IGSF11: variants seen among roughly 807,000 people sequenced by gnomAD.
IGSF11 encodes the protein CXADR like 1.
In IGSF11, 22 loss-of-function variants were observed where a neutral mutation model predicts 41.0. The ratio of observed to expected loss-of-function variants is 0.54; its 90% confidence interval spans 0.38 to 0.77. The LOEUF (loss-of-function observed/expected upper bound fraction) is 0.77. Among genes scored for constraint, IGSF11 ranks in the 30% least tolerant of loss-of-function variants. The pLI, the probability that IGSF11 is intolerant of heterozygous loss-of-function variation, is 0.00. For missense variants in IGSF11, 444 were observed against 530.8 expected (o/e 0.84, Z 1.61); for synonymous variants, 219 against 201.3 (o/e 1.09, Z -0.74).
intron 1 of IGSF11, among the ~76,000 whole-genome samples, chr3:119,096,250 T>TAC (rs1009815449): frequency 1.3e-5 from 2 of 152,010 alleles, no homozygotes; most frequent in Non-Finnish European, 2.9e-5. Context: ...TTAACTGGTC[T>TAC]ACCCCTTATG....
chr3:118,948,161 G>A (rs924528319), intron 1 of IGSF11: 1 of 152,202 alleles, frequency 6.6e-6, no homozygotes, highest in Non-Finnish European at 1.5e-5. Flanking sequence ...TGTTACCAAA[G>A]AGCTGAAACG....
At chr3:119,008,829 G>A (rs917408568) in intron 1 of IGSF11, among the ~76,000 whole-genome samples, 8 of 152,158 alleles carry the variant, frequency 5.3e-5, no homozygotes, top group Non-Finnish European at 7.3e-5. Context: ...TGTCTTCCAT[G>A]TGCAGGTGGG....
intron 1 of IGSF11, among the ~76,000 whole-genome samples, chr3:118,956,337 A>G (rs1270487137): frequency 6.6e-6 from 1 of 152,148 alleles, no homozygotes; most frequent in African/African-American, 2.4e-5. Context: ...TTTCCTTTTC[A>G]TTCACAACTT....
intron 4 of IGSF11, among the ~76,000 whole-genome samples, chr3:118,923,749 C>G (rs1010592671): frequency 3.9e-5 from 6 of 152,114 alleles, no homozygotes; most frequent in Non-Finnish European, 8.8e-5. Context: ...TTTGCCTTCA[C>G]GTTTGTTTGT....
chr3:119,130,189 G>A (rs866492847), intron 1 of IGSF11, among the ~76,000 whole-genome samples: 12 of 152,260 alleles, frequency 7.9e-5, no homozygotes, highest in African/African-American at 1.4e-4. Flanking sequence ...TACCTGGTTC[G>A]TCTCACTGGG....
chr3:119,109,935 T>C (rs901119784), upstream of IGSF11, among the ~76,000 whole-genome samples: 1 of 152,236 alleles, frequency 6.6e-6, no homozygotes, highest in Non-Finnish European at 1.5e-5. Context: ...TCTAGTTTGA[T>C]TGCACTGTGG....
In IGSF11 at chr3:119,068,414, G is replaced by A. The variant is rs534447298; in HGVS notation, c.49+36730C>T. ...ATTAGGTGGGCAGCTAGCAATCTCTGCCACAGTTCCATTCTTAGCACTTCT... is the reference window on the plus strand; with the variant it reads ...ATTAGGTGGGCAGCTAGCAATCTCTACCACAGTTCCATTCTTAGCACTTCT... On this transcript the variant is annotated intron_variant, in intron 1 of 6. Transcript: ENST00000354673. Among the ~76,000 whole-genome samples the A allele has an allele frequency of 2.0e-5, 3 of 152,294 alleles. No individual in the cohort carries two copies. In the South Asian group the frequency reaches 6.2e-4, roughly 32 times the overall value.
chr3:119,069,060 G>A (rs1010438676), intron 1 of IGSF11, among the ~76,000 whole-genome samples: 1 of 151,686 alleles, frequency 6.6e-6, no homozygotes, highest in Non-Finnish European at 1.5e-5. Flanking sequence ...CCGAGTAGCT[G>A]GGACTACAGG....
chr3:118,949,947 G>A (rs1944448004), intron 1 of IGSF11, among the ~76,000 whole-genome samples: 1 of 152,134 alleles, frequency 6.6e-6, no homozygotes, highest in Admixed American at 6.5e-5. Flanking sequence ...AATGAAAATT[G>A]GCCTTAGTCC....
chr3:119,057,192 T>G (rs1330991475), intron 1 of IGSF11, among the ~76,000 whole-genome samples: 1 of 152,312 alleles, frequency 6.6e-6, no homozygotes, highest in Non-Finnish European at 1.5e-5. Context: ...TGTCCCTGTT[T>G]GCAGACGACA....
At chr3:118,903,011 C>A in intron 6 of IGSF11, 50 bp from the exon 7 acceptor site, 1 of 1,515,018 alleles carries the variant, frequency 6.6e-7, no homozygotes. Context: ...CAAGTTAATC[C>A]TATCCTCCTA....
chr3:119,064,509 CTCTTTT>C (rs199626652), intron 1 of IGSF11, among the ~76,000 whole-genome samples: 1,664 of 124,698 alleles, frequency 0.013, 24 homozygotes, highest in East Asian at 0.086. Context: ...GCCTTGGCTG[CTCTTTT>C]TTTTTTTTTT....
intron 2 of IGSF11, among the ~76,000 whole-genome samples, chr3:118,929,861 G>A (rs555561875): frequency 1.8e-4 from 27 of 152,280 alleles, no homozygotes; most frequent in African/African-American, 6.0e-4. Context: ...TAGCAATGTT[G>A]TTGATAAAAT....
intron 1 of IGSF11, among the ~76,000 whole-genome samples, chr3:119,093,756 G>A (rs2076802758): frequency 6.6e-6 from 1 of 152,134 alleles, no homozygotes; most frequent in African/African-American, 2.4e-5. Flanking sequence ...ATTTGCCTTT[G>A]AGCTTTCTCA....
intron 1 of IGSF11, among the ~76,000 whole-genome samples, chr3:119,116,425 A>G (rs1030957797): frequency 2.0e-5 from 3 of 152,130 alleles, no homozygotes; most frequent in Admixed American, 6.6e-5. Flanking sequence ...ATATTACTCA[A>G]CCTTCATAAT....
chr3:119,093,374 G>A (rs1189013338), intron 1 of IGSF11, among the ~76,000 whole-genome samples: 1 of 151,226 alleles, frequency 6.6e-6, no homozygotes, highest in Non-Finnish European at 1.5e-5. Flanking sequence ...AGAAGCTGCT[G>A]GCCATTTACA....
chr3:118,914,525 C>A lies in IGSF11; in HGVS notation c.581-8807G>T, dbSNP rs1940817125. On this transcript the variant is annotated intron_variant, in intron 4 of 6. Transcript: ENST00000393775. ...CACCTGGAAAATCGGGTCACTCCCA[C>A]CCGAATATGGCGCTTTTCAGACCGG... 6.6e-5 allele frequency among the ~76,000 whole-genome samples: 10 copies of A among 151,854 alleles called. No individual in the cohort carries two copies. The South Asian group carries it at 1.9e-3, about 29-fold the overall frequency.
intron 1 of IGSF11, among the ~76,000 whole-genome samples, chr3:119,104,337 G>C (rs544513998): frequency 6.6e-6 from 1 of 152,102 alleles, no homozygotes; most frequent in East Asian, 1.9e-4. Context: ...ACAACATATC[G>C]AATTTCTTTT....
At chr3:119,030,439 T>C (rs757500238) in intron 1 of IGSF11, among the ~76,000 whole-genome samples, 9 of 152,198 alleles carry the variant, frequency 5.9e-5, no homozygotes, top group Non-Finnish European at 1.2e-4. Flanking sequence ...TGTGGCTTAC[T>C]TCATATTTCT....
Sources: allele counts gnomAD v4.1 joint callset (sites outside exome capture counted in the v4.1 genomes callset), GRCh38; gene constraint gnomAD v4.1.1; transcripts MANE v1.5; gene names NCBI Gene and HGNC (gene_info 2026-07-23, HGNC 2026-07-21).